The following UGT1A4 variants were observed in gnomAD, a reference collection of about 807,000 sequenced individuals.
UGT1A4 encodes the protein UDP glucuronosyltransferase family 1 member A4, also known as UDP-glucuronosyltransferase 1A4.
In UGT1A4, 32 loss-of-function variants were observed where a neutral mutation model predicts 41.1. The ratio of observed to expected loss-of-function variants is 0.78; its 90% CI spans 0.59 to 1.05. UGT1A4 has a LOEUF of 1.05. Ranked by LOEUF, UGT1A4 falls within the 50% of genes least tolerant of loss-of-function variation. The pLI is 0.00. For missense variants in UGT1A4, 748 were observed against 677.4 expected (o/e 1.10, Z -1.16); for synonymous variants, 283 against 265.1 (o/e 1.07, Z -0.66).
In UGT1A4 at chr2:233,719,078, G is replaced by A; in HGVS notation, c.258G>A (p.Gln86=). 11 of 1,614,254 alleles carry A rather than the reference G, an allele frequency of 6.8e-6. No individual in the cohort carries two copies. Among genetic ancestry groups the A allele is most frequent in the Non-Finnish European group, 9.3e-6 (11 of 1,180,052 alleles). ...CAGCCTATGCTGTTCCATGGACCCAGAAGGAATTTGATCGCGTTACGCTGG... is the reference window on the plus strand; with the variant it reads ...CAGCCTATGCTGTTCCATGGACCCAAAAGGAATTTGATCGCGTTACGCTGG... ...TLTAYAVPWT[Q]KEFDRVTLGY... is the part of the protein sequence containing the mutation. Residue 86 remains glutamine, a synonymous_variant, in exon 1 of 5, where the codon CAG becomes CAA. Transcript: ENST00000373409.
At chr2:233,760,225 G>A (rs1047777533) in intron 1 of UGT1A4, 1 of 1,585,000 alleles carries the variant, frequency 6.3e-7, no homozygotes. Flanking sequence ...GTATCGATTG[G>A]TTTTTGCCAT....
chr2:233,722,557 T>C (rs910752040), intron 1 of UGT1A4, among the ~76,000 whole-genome samples: 1 of 152,244 alleles, frequency 6.6e-6, no homozygotes, highest in Non-Finnish European at 1.5e-5. Flanking sequence ...TTTTGGTTGA[T>C]TTGTAGCTGC....
At chr2:233,770,243 A>G (rs1307269506) in intron 4 of UGT1A4, 1 of 152,248 alleles carries the variant, frequency 6.6e-6, no homozygotes, top group African/African-American at 2.4e-5. Context: ...CCATGATTCC[A>G]ACACTCTGAG....
At chr2:233,752,443 A>C (rs2125915696) in intron 1 of UGT1A4, 1 of 152,338 alleles carries the variant, frequency 6.6e-6, no homozygotes, top group Non-Finnish European at 1.5e-5. Flanking sequence ...CTTTTATAAA[A>C]GATGAATACC....
At chr2:233,732,341 T>G (rs1447704725) in intron 1 of UGT1A4, among the ~76,000 whole-genome samples, 1 of 152,268 alleles carries the variant, frequency 6.6e-6, no homozygotes, top group East Asian at 1.9e-4. Flanking sequence ...TTGCTTTTGG[T>G]GTTTTAGTCA....
At chr2:233,744,111 T>C in intron 1 of UGT1A4, 1 of 390,020 alleles carries the variant, frequency 2.6e-6, no homozygotes, top group Non-Finnish European at 4.7e-6. Context: ...CTGGCCCTGC[T>C]CTCTGTGAGG....
intron 1 of UGT1A4, among the ~76,000 whole-genome samples, chr2:233,748,560 A>G (rs1345265737): frequency 1.3e-5 from 2 of 151,814 alleles, no homozygotes; most frequent in Admixed American, 1.3e-4. Context: ...CACTCGCAGG[A>G]AGTAGAAGTG....
At chr2:233,768,098 G>A in intron 3 of UGT1A4, 122 bp from the exon 4 acceptor site, 1 of 1,590,736 alleles carries the variant, frequency 6.3e-7, no homozygotes, top group Non-Finnish European at 8.6e-7. Context: ...ATTTTCTTCT[G>A]CAAATTTCTG....
chr2:233,728,343 G>A (rs1020257927), intron 1 of UGT1A4, among the ~76,000 whole-genome samples: 1 of 152,192 alleles, frequency 6.6e-6, no homozygotes, highest in African/African-American at 2.4e-5. Context: ...CAGTCCCTTG[G>A]TGAGCAGGAG....
rs1170923656 is a variant in UGT1A4 at position 233,772,696 on chromosome 2, T to TA, written c.*143dup. The TA allele has an allele frequency of 2.8e-5, 41 of 1,482,484 alleles. No individual in the cohort carries two copies. The highest frequency in any genetic ancestry group is 3.6e-5 in the Non-Finnish European group (41 of 1,123,730). The allele number at this position is 1,482,484 out of a possible 1,614,324, so 91.8% of individuals were successfully genotyped here. ...TAAATTAATCAGCCCCAGAGTGCTT[T>TA]AAAAAATTCTCTTAAATAAAAATAA... On this transcript the variant is annotated 3_prime_UTR_variant, in exon 5 of 5. Transcript: ENST00000373409.
intron 1 of UGT1A4, chr2:233,755,373 C>A (rs534555830): frequency 2.8e-6 from 1 of 357,666 alleles, no homozygotes; most frequent in South Asian, 2.2e-5. Context: ...GCCTGGAGGG[C>A]CGCCCCTTAT....
intron 1 of UGT1A4, chr2:233,744,077 T>C: frequency 4.4e-6 from 2 of 457,126 alleles, no homozygotes; most frequent in Non-Finnish European, 7.3e-6. Flanking sequence ...GCGCCTCGCA[T>C]CCCAAGATGC....
At chr2:233,744,830 C>T (rs1397752961) in intron 1 of UGT1A4, among the ~76,000 whole-genome samples, 2 of 151,900 alleles carry the variant, frequency 1.3e-5, no homozygotes, top group African/African-American at 4.9e-5. Context: ...CTTTGAGAAT[C>T]GCTAGTCTAG....
At chr2:233,729,392 T>C in intron 1 of UGT1A4, 1 of 1,613,876 alleles carries the variant, frequency 6.2e-7, no homozygotes, top group Non-Finnish European at 8.5e-7. Context: ...CAGGATGAAT[T>C]TGATCGCCAT....
At position 233,721,294 on chromosome 2, in the gene UGT1A4, T is replaced by C. The variant is rs555243942; in HGVS notation, c.867+1607T>C. On this transcript the variant is annotated intron_variant, in intron 1 of 4. Coordinates refer to ENST00000373409, the MANE Select transcript of UGT1A4 (RefSeq NM_007120.3). ...AAAAATGTGGAAAATTAGGAAGGCATTTGAATAGTGATTGTGGCTCTTTTC... is the reference window on the plus strand; with the variant it reads ...AAAAATGTGGAAAATTAGGAAGGCACTTGAATAGTGATTGTGGCTCTTTTC... Among the ~76,000 whole-genome samples, 3 of 152,308 alleles carry C rather than the reference T, an allele frequency of 2.0e-5. No homozygotes were observed. In the East Asian group the frequency reaches 5.8e-4, roughly 29 times the overall value.
intron 1 of UGT1A4, among the ~76,000 whole-genome samples, chr2:233,737,380 C>T (rs1472756282): frequency 6.6e-6 from 1 of 152,238 alleles, no homozygotes; most frequent in Non-Finnish European, 1.5e-5. Context: ...GGGAGAGAAT[C>T]TCCTTGTCTG....
chr2:233,754,633 C>G (rs1196115983), intron 1 of UGT1A4: 1 of 444,794 alleles, frequency 2.2e-6, no homozygotes, highest in Non-Finnish European at 4.5e-6. Context: ...TCCACCCTTT[C>G]TTGGCCATTC....
Position 233,760,623 on chromosome 2 carries a change from A to G in UGT1A4, c.868-6411A>G, listed in dbSNP as rs181505697. ...CTTTCCTGCAGCGTGTGATCAAAAC[A>G]TACAAGAAAATAAAAAAGGACTCTG... On this transcript the variant is annotated intron_variant, in intron 1 of 4. Transcript: ENST00000373409. 5 of 1,614,198 alleles carry G rather than the reference A, an allele frequency of 3.1e-6. No homozygotes were observed. In the African/African-American group the frequency reaches 6.7e-5, roughly 22 times the overall value.
intron 2 of UGT1A4, 64 bp downstream of exon 2, chr2:233,767,229 A>T (rs1699343711): frequency 6.2e-7 from 1 of 1,610,454 alleles, no homozygotes; most frequent in South Asian, 1.1e-5. Context: ...CCAGACTTCC[A>T]GCTTCCAGAT....
Sources: gnomAD v4.1 joint callset for allele counts (sites outside exome capture counted in the v4.1 genomes callset) on GRCh38, gnomAD v4.1.1 for gene constraint, MANE v1.5 for transcripts, NCBI Gene and HGNC (gene_info 2026-07-23, HGNC 2026-07-21) for gene names.